The following EIF1AY variants were observed in gnomAD, a reference collection of about 807,000 sequenced individuals.
EIF1AY encodes eukaryotic translation initiation factor 1A, Y-chromosomal.
For synonymous variants in EIF1AY, 16 were observed against 9.9 expected (o/e 1.62, Z -1.16); for missense variants, 19 against 30.6 (o/e 0.62, Z 0.89).
At chrY:20,587,729 G>C (rs754548105) in intron 4 of EIF1AY, 1 of 43,129 alleles carries the variant, frequency 2.3e-5, no homozygotes, top group African/African-American at 1.1e-4. Context: ...TAATTAAAAG[G>C]GAATAGTAAA....
chrY:20,584,666 G>T, intron 4 of EIF1AY, 142 bp downstream of exon 4: 1 of 93,079 alleles, frequency 1.1e-5, no homozygotes. Context: ...TTTATTAAGG[G>T]CCAGTTGTAT....
intron 4 of EIF1AY, 61 bp from the exon 5 acceptor site, chrY:20,587,963 G>A: frequency 4.1e-6 from 1 of 242,755 alleles, no homozygotes; most frequent in Non-Finnish European, 6.7e-6. Flanking sequence ...AAAGTAACTT[G>A]TGAAACAACT....
At chrY:20,590,979 T>C in intron 6 of EIF1AY, among the ~76,000 whole-genome samples, 1 of 33,288 alleles carries the variant, frequency 3.0e-5, no homozygotes, top group Admixed American at 2.8e-4. Flanking sequence ...ATAAACTGAG[T>C]CCTTAATTGT....
rs13447444 is a variant in EIF1AY at position 20,577,499 on chromosome Y, A to AT, written c.16+1622dup. ...GGTTAATCCTGGTAAATTGAAAACA[A>AT]TTTTTTTTTTATCATATGTGCCTCA... On this transcript the variant is annotated intron_variant, in intron 1 of 6. Coordinates refer to ENST00000361365, the MANE Select transcript of EIF1AY (RefSeq NM_004681.4). 7.8e-4 allele frequency among the ~76,000 whole-genome samples: 24 copies of AT among 30,736 alleles called. No individual in the cohort carries two copies. In the South Asian group the frequency reaches 0.012, roughly 15 times the overall value. 82.5% of individuals were successfully genotyped at this position (30,736 alleles called of 37,273 possible). A position where few individuals can be genotyped will look rare whatever the true frequency, so the allele number is the denominator to read the frequency against.
At position 20,592,450 on chromosome Y, in the gene EIF1AY, T is replaced by C; in HGVS notation, c.*104T>C. The stretch of plus-strand genomic sequence containing the variant: ...AGAGAAATTCATTTAGTGTGTAGTT[T>C]CTGAAAGCAAACTGATTTATTTTCA... On this transcript the variant is annotated 3_prime_UTR_variant, in exon 7 of 7. Coordinates refer to ENST00000361365, the MANE Select transcript of EIF1AY (RefSeq NM_004681.4). 1.3e-5 allele frequency: 2 copies of C among 151,464 alleles called. No individual in the cohort carries two copies. The highest frequency in any genetic ancestry group is 2.3e-5 in the Non-Finnish European group (2 of 87,283). The allele number at this position is 151,464 out of a possible 400,897, so 37.8% of individuals were successfully genotyped here.
chrY:20,585,270 G>A (rs2089353841), intron 4 of EIF1AY, among the ~76,000 whole-genome samples: 2 of 33,633 alleles, frequency 5.9e-5, no homozygotes, highest in Non-Finnish European at 1.5e-4. Flanking sequence ...GTTTGGTAGT[G>A]TAAAGTTAAG....
chrY:20,582,682 T>C lies in EIF1AY; in HGVS notation c.193T>C (p.Leu65=), dbSNP rs769611401. The change falls in exon 3 of 7, where the codon TTG becomes CTG. Residue 65 remains leucine (L), a synonymous_variant. Transcript: ENST00000361365. ...VKRLCHIRGK[L]RKKVWINTSD... is the part of the protein sequence containing the mutation. ...GAGGTTATGCCATATCAGAGGGAAA[T>C]TGAGAAAAAAGGTAGGTGTGTAGGT... 2.6e-6 allele frequency: 1 copy of C among 391,396 alleles called. No individual in the cohort carries two copies. Among genetic ancestry groups the C allele is most frequent in the Non-Finnish European group, 3.6e-6 (1 of 278,885 alleles).
chrY:20,581,747 T>TG (rs2089350892), intron 2 of EIF1AY, among the ~76,000 whole-genome samples: 1 of 33,179 alleles, frequency 3.0e-5, no homozygotes, highest in Non-Finnish European at 7.4e-5. Context: ...TTAGGGATAG[T>TG]GAAGATAGAG....
At chrY:20,583,833 A>G in intron 3 of EIF1AY, among the ~76,000 whole-genome samples, 1 of 33,030 alleles carries the variant, frequency 3.0e-5, no homozygotes, top group Non-Finnish European at 7.5e-5. Context: ...GTGTAGATAC[A>G]TCTTCTGTAT....
intron 3 of EIF1AY, 53 bp from the exon 4 acceptor site, chrY:20,584,421 C>T: frequency 5.2e-6 from 1 of 194,011 alleles, no homozygotes; most frequent in East Asian, 1.2e-4. Context: ...ACTAAACATT[C>T]TTTTTATTAT....
intron 2 of EIF1AY, 101 bp from the exon 3 acceptor site, chrY:20,582,489 G>A: frequency 4.9e-6 from 1 of 203,978 alleles, no homozygotes; most frequent in South Asian, 3.7e-5. Context: ...AGAATTACAG[G>A]CATGAGCCAC....
In EIF1AY at chrY:20,593,140, AAT is replaced by A. The variant is rs2089360291; in HGVS notation, c.*795_*796del. The A allele has an allele frequency of 3.0e-5, 1 of 33,688 alleles. No homozygotes were observed. Among genetic ancestry groups the A allele is most frequent in the Non-Finnish European group, 7.3e-5 (1 of 13,611 alleles). 8.4% of individuals were successfully genotyped at this position (33,688 alleles called of 400,897 possible). On this transcript the variant is annotated 3_prime_UTR_variant, in exon 7 of 7. Coordinates refer to ENST00000361365, the MANE Select transcript of EIF1AY (RefSeq NM_004681.4). ...ATAAATGAAAAGCAATTTCATAATA[AAT>A]TCTATAAACTGAGCCATTCTCAGAC... is the stretch of plus-strand genomic sequence containing the variant.
intron 6 of EIF1AY, among the ~76,000 whole-genome samples, chrY:20,590,415 C>G: frequency 3.2e-5 from 1 of 31,724 alleles, no homozygotes; most frequent in East Asian, 8.2e-4. Context: ...GCGGGCAGAT[C>G]ATGAGGTCAG....
chrY:20,582,564 C>A, intron 2 of EIF1AY, 26 bp from the exon 3 acceptor site: 1 of 353,325 alleles, frequency 2.8e-6, no homozygotes, highest in South Asian at 3.1e-5. Context: ...AAGATCTCAA[C>A]CTTTTTTTTT....
chrY:20,582,575 ATCTCC>A lies in EIF1AY; in HGVS notation c.101-7_101-3del. ...GACCAAGATCTCAACCTTTTTTTTT[ATCTCC>A]TCTCCTCAGAGTATGCTCAGGTAAT... On this transcript the variant is annotated splice_polypyrimidine_tract_variant and intron_variant, in intron 2 of 6. Coordinates refer to ENST00000361365, the MANE Select transcript of EIF1AY (RefSeq NM_004681.4). 8.2e-6 allele frequency: 3 copies of A among 367,833 alleles called. No homozygotes were observed. The highest frequency in any genetic ancestry group is 1.2e-5 in the Non-Finnish European group (3 of 257,158). The allele number at this position is 367,833 out of a possible 400,897, so 91.8% of individuals were successfully genotyped here.
chrY:20,591,050 T>G, intron 6 of EIF1AY, among the ~76,000 whole-genome samples: 1 of 33,159 alleles, frequency 3.0e-5, no homozygotes, highest in Non-Finnish European at 7.4e-5. Context: ...ACAAAATTTT[T>G]TAGTTTTTTT....
chrY:20,584,889 A>G, intron 4 of EIF1AY, among the ~76,000 whole-genome samples: 4 of 33,479 alleles, frequency 1.2e-4, no homozygotes, highest in African/African-American at 4.7e-4. Context: ...TCAGCTAGGT[A>G]TTTCAGACAT....
At chrY:20,578,129 G>GT (rs2089347960) in intron 1 of EIF1AY, among the ~76,000 whole-genome samples, 1 of 32,912 alleles carries the variant, frequency 3.0e-5, no homozygotes, top group East Asian at 7.8e-4. Context: ...TTTTGTTGTT[G>GT]TTTTTTTCGT....
intron 2 of EIF1AY, 23 bp downstream of exon 2, chrY:20,579,714 T>C: frequency 3.7e-6 from 1 of 269,689 alleles, no homozygotes. Flanking sequence ...AACTTAGGCT[T>C]CTTTCATTAA....
Sources: allele counts gnomAD v4.1 joint callset (sites outside exome capture counted in the v4.1 genomes callset), GRCh38; gene constraint gnomAD v4.1.1; transcripts MANE v1.5; gene names NCBI Gene and HGNC (gene_info 2026-07-23, HGNC 2026-07-21).